TIAM2: variants seen among roughly 807,000 people sequenced by gnomAD.
TIAM2 encodes the protein rho guanine nucleotide exchange factor TIAM2.
Under a neutral mutation model 152.9 loss-of-function variants are expected in TIAM2, and 80 were observed. The ratio of observed to expected loss-of-function variants is 0.52; its 90% CI spans 0.44 to 0.63. The LOEUF (loss-of-function observed/expected upper bound fraction) is 0.63, where lower values mean the gene tolerates loss of function less well. Ranked by LOEUF, TIAM2 falls within the 30% of genes least tolerant of loss-of-function variation. TIAM2 has a pLI of 0.00. For synonymous variants in TIAM2, 804 were observed against 838.0 expected (o/e 0.96, Z 0.70); for missense variants, 1,965 against 2,120.1 (o/e 0.93, Z 1.44).
chr6:155,016,976 C>T (rs1021215875), intron 1 of TIAM2, among the ~76,000 whole-genome samples: 2 of 152,022 alleles, frequency 1.3e-5, no homozygotes, highest in East Asian at 1.9e-4. Flanking sequence ...CATGAAGGGG[C>T]CTTGGAGTGG....
chr6:155,239,710 C>T (rs1177611317), intron 15 of TIAM2, among the ~76,000 whole-genome samples: 3 of 152,172 alleles, frequency 2.0e-5, no homozygotes, highest in Non-Finnish European at 4.4e-5. Context: ...TGACTGGGAG[C>T]GAGTATTTCC....
intron 15 of TIAM2, among the ~76,000 whole-genome samples, chr6:155,217,960 T>G (rs899051365): frequency 6.6e-6 from 1 of 152,222 alleles, no homozygotes; most frequent in Non-Finnish European, 1.5e-5. Context: ...TTTTGTCACA[T>G]GAATTGCTTT....
At chr6:155,107,207 G>A (rs1164307433) in intron 2 of TIAM2, among the ~76,000 whole-genome samples, 7 of 152,110 alleles carry the variant, frequency 4.6e-5, no homozygotes, top group African/African-American at 1.7e-4. Flanking sequence ...GAGTTGAGAC[G>A]TAATTTTACA....
At chr6:155,124,516 G>A (rs1486904362) in intron 2 of TIAM2, among the ~76,000 whole-genome samples, 1 of 151,892 alleles carries the variant, frequency 6.6e-6, no homozygotes, top group Non-Finnish European at 1.5e-5. Context: ...TTTTAGTAGA[G>A]ACGGGGTTTC....
chr6:155,199,144 C>G (rs953798859), intron 14 of TIAM2, among the ~76,000 whole-genome samples: 1 of 151,854 alleles, frequency 6.6e-6, no homozygotes, highest in Admixed American at 6.6e-5. Context: ...GGTGCGATCT[C>G]GGTTCACTGC....
chr6:155,104,464 G>T (rs1373430779), intron 2 of TIAM2, among the ~76,000 whole-genome samples: 1 of 152,050 alleles, frequency 6.6e-6, no homozygotes, highest in Non-Finnish European at 1.5e-5. Context: ...GGCCAATTAA[G>T]ATTAGAAAGC....
chr6:155,242,682 TAA>T (rs1402831211), intron 16 of TIAM2, among the ~76,000 whole-genome samples: 1 of 152,234 alleles, frequency 6.6e-6, no homozygotes, highest in East Asian at 1.9e-4. Context: ...TTCTTCAGAA[TAA>T]AAGAGAAATC....
rs1781796946 is a variant in TIAM2 at position 155,214,163 on chromosome 6, T to C, written c.3168+2856T>C. Among the ~76,000 whole-genome samples the C allele has an allele frequency of 1.3e-5, 2 of 152,178 alleles. No individual in the cohort carries two copies. The highest frequency in any genetic ancestry group is 4.1e-4 in the South Asian group (2 of 4,830). On this transcript the variant is annotated intron_variant, in intron 15 of 26. Transcript: ENST00000682666. The surrounding 1 kb of genome is among the most constrained non-coding windows in gnomAD (Gnocchi z 5.4). ...AGGCTCCCGCCCTGCCACTTCAGGA[T>C]TGGGTGGGGCTTCCACATTCTCAGC...
chr6:155,108,246 G>A (rs1490575707), intron 2 of TIAM2, among the ~76,000 whole-genome samples: 1 of 152,204 alleles, frequency 6.6e-6, no homozygotes, highest in Non-Finnish European at 1.5e-5. Flanking sequence ...CATCCCCCAT[G>A]TGTTCACTTC....
intron 1 of TIAM2, among the ~76,000 whole-genome samples, chr6:155,006,768 A>G (rs2114842904): frequency 6.6e-6 from 1 of 150,854 alleles, no homozygotes. Context: ...GGCTCACCAC[A>G]ACCTCCACCT....
At chr6:155,192,352 G>C (rs1342186867) in intron 14 of TIAM2, among the ~76,000 whole-genome samples, 3 of 152,120 alleles carry the variant, frequency 2.0e-5, no homozygotes, top group African/African-American at 7.2e-5. Flanking sequence ...GGGTGCCATG[G>C]TCTGGAGGCA....
In TIAM2 at chr6:155,228,530, A is replaced by G. The variant is rs565630482; in HGVS notation, c.3169-12000A>G. Among the ~76,000 whole-genome samples the G allele has an allele frequency of 2.1e-4, 32 of 152,262 alleles. No homozygotes were observed. In the South Asian group the frequency reaches 6.2e-3, roughly 30 times the overall value. ...GAGGCTGTTAATCAGAAGCAAAGCC[A>G]TATCTTTCTTTCCGGGTGAAAAATG... On this transcript the variant is annotated intron_variant, in intron 15 of 26. Coordinates refer to ENST00000682666, the MANE Select transcript of TIAM2 (RefSeq NM_012454.4).
At chr6:155,204,560 T>C (rs1159327548) in intron 14 of TIAM2, among the ~76,000 whole-genome samples, 1 of 152,200 alleles carries the variant, frequency 6.6e-6, no homozygotes, top group Non-Finnish European at 1.5e-5. Flanking sequence ...GGAGAAACTA[T>C]GAAGGTAGAT....
chr6:155,209,890 C>G (rs1476562138), intron 14 of TIAM2, among the ~76,000 whole-genome samples: 1 of 152,202 alleles, frequency 6.6e-6, no homozygotes, highest in Non-Finnish European at 1.5e-5. Flanking sequence ...CCAGGGGTTC[C>G]CCTAGCTTCT....
chr6:155,048,562 G>A lies in TIAM2; in HGVS notation c.-208-41727G>A, dbSNP rs191929400. On this transcript the variant is annotated intron_variant, in intron 1 of 26. Transcript: ENST00000682666. ...ACAGAGCAAGAGAAGGGAGAATGGG[G>A]GTCAGGGGTGTCCTGGGATAAAGAA... 8.2e-3 allele frequency among the ~76,000 whole-genome samples: 954 copies of A among 116,204 alleles called. 10 individuals carry two copies. Among genetic ancestry groups the A allele is most frequent in the African/African-American group, 0.025 (906 of 36,936 alleles). The allele number at this position is 116,204 out of a possible 152,430, so 76.2% of individuals were successfully genotyped here. A position where few individuals can be genotyped will look rare whatever the true frequency, so the allele number is the denominator to read the frequency against.
At chr6:155,042,206 C>T (rs928049352) in intron 1 of TIAM2, among the ~76,000 whole-genome samples, 1 of 151,920 alleles carries the variant, frequency 6.6e-6, no homozygotes. Context: ...GCAGACCCGC[C>T]CCCGCCCCCA....
intron 1 of TIAM2, among the ~76,000 whole-genome samples, chr6:155,019,244 G>A (rs1319149337): frequency 1.3e-5 from 2 of 151,940 alleles, no homozygotes; most frequent in African/African-American, 4.8e-5. Context: ...TGAGACAGGA[G>A]AATCATTTGA....
chr6:155,046,781 C>T (rs1244855123), intron 1 of TIAM2, among the ~76,000 whole-genome samples: 1 of 152,134 alleles, frequency 6.6e-6, no homozygotes, highest in Admixed American at 6.5e-5. Flanking sequence ...GACAGAGAGA[C>T]CTTACTACCT....
chr6:155,028,459 A>AATATATATACTGTGTTACATATACTAC (rs1562294329), intron 1 of TIAM2, among the ~76,000 whole-genome samples: 10 of 135,636 alleles, frequency 7.4e-5, no homozygotes, highest in Non-Finnish European at 1.3e-4. Flanking sequence ...TACTACATAT[A>AATATATATACTGTGTTACATATACTAC]ATATATATAC....
Sources: allele counts gnomAD v4.1 joint callset (sites outside exome capture counted in the v4.1 genomes callset), GRCh38; gene constraint gnomAD v4.1.1; non-coding constraint Gnocchi (gnomAD v3.1); transcripts MANE v1.5; gene names NCBI Gene and HGNC (gene_info 2026-07-23, HGNC 2026-07-21).